KCNH1: variants seen among roughly 807,000 people sequenced by gnomAD.
The protein encoded by KCNH1 is potassium voltage-gated channel subfamily H member 1.
In KCNH1, 27 loss-of-function variants were observed where a neutral mutation model predicts 69.2. The observed-to-expected ratio is 0.39, with a 90% CI of 0.29 to 0.54. The LOEUF is 0.54. Among genes scored for constraint, KCNH1 ranks in the 20% least tolerant of loss-of-function variants. The probability of loss-of-function intolerance (pLI) is 0.68; values close to 1 mark genes in which losing one functional copy is unlikely to be tolerated. For synonymous variants in KCNH1, 456 were observed against 487.7 expected (o/e 0.93, Z 0.86); for missense variants, 798 against 1,261.6 (o/e 0.63, Z 5.57).
chr1:210,897,618 T>G (rs899307417), intron 7 of KCNH1, among the ~76,000 whole-genome samples: 2 of 152,226 alleles, frequency 1.3e-5, no homozygotes, highest in Non-Finnish European at 2.9e-5. Context: ...GATAATTTAC[T>G]GAGATCTTAA....
intron 5 of KCNH1, among the ~76,000 whole-genome samples, chr1:211,051,165 T>C (rs1294540955): frequency 2.6e-5 from 4 of 151,942 alleles, no homozygotes; most frequent in Non-Finnish European, 5.9e-5. Flanking sequence ...ACCTGGCTAA[T>C]GTTTATATTT....
chr1:211,071,131 G>A (rs1178904210), intron 5 of KCNH1, among the ~76,000 whole-genome samples: 2 of 152,122 alleles, frequency 1.3e-5, no homozygotes, highest in Non-Finnish European at 2.9e-5. Flanking sequence ...TACATTCACA[G>A]TAATGTACTG....
chr1:210,769,634 T>C (rs951967611), intron 10 of KCNH1, among the ~76,000 whole-genome samples: 1 of 152,210 alleles, frequency 6.6e-6, no homozygotes, highest in African/African-American at 2.4e-5. Context: ...ATTACCTACG[T>C]GCCAATTATC....
intron 5 of KCNH1, among the ~76,000 whole-genome samples, chr1:211,081,158 G>C (rs1421707412): frequency 2.6e-5 from 4 of 152,124 alleles, no homozygotes; most frequent in Non-Finnish European, 4.4e-5. Flanking sequence ...GTGGGCAAAA[G>C]ATATGAACAG....
intron 10 of KCNH1, among the ~76,000 whole-genome samples, chr1:210,689,143 A>AGAC (rs1681473755): frequency 6.6e-6 from 1 of 152,226 alleles, no homozygotes; most frequent in Admixed American, 6.5e-5. Context: ...GAGCCTGGGA[A>AGAC]GACTTAAATG....
chr1:211,132,528 T>A (rs1691895443), intron 1 of KCNH1: 1 of 152,190 alleles, frequency 6.6e-6, no homozygotes, highest in Non-Finnish European at 1.5e-5. Flanking sequence ...ACTTAAATAA[T>A]ACGTGATTAT....
At chr1:211,114,440 A>G (rs1482157940) in intron 1 of KCNH1, among the ~76,000 whole-genome samples, 1 of 152,172 alleles carries the variant, frequency 6.6e-6, no homozygotes, top group Non-Finnish European at 1.5e-5. Flanking sequence ...GGAAGATTAG[A>G]TCTGTTAAAT....
chr1:210,980,973 C>G (rs1235434580), intron 6 of KCNH1, among the ~76,000 whole-genome samples: 1 of 152,136 alleles, frequency 6.6e-6, no homozygotes, highest in Admixed American at 6.6e-5. Context: ...TCCACTTTGA[C>G]AGCTTTAAAA....
intron 10 of KCNH1, among the ~76,000 whole-genome samples, chr1:210,747,406 T>C (rs543203247): frequency 1.3e-5 from 2 of 152,078 alleles, no homozygotes; most frequent in African/African-American, 4.8e-5. Context: ...TCTGGGAGCT[T>C]TCACTTCATT....
Position 210,872,859 on chromosome 1 carries a change from A to T in KCNH1, c.1462+46781T>A, listed in dbSNP as rs548826690. On this transcript the variant is annotated intron_variant, in intron 7 of 10. Coordinates refer to ENST00000271751, the MANE Select transcript of KCNH1 (RefSeq NM_172362.3). ...TTAAACATTGGATTTGGGTGGGGAC[A>T]CAGATCCAAACCATATCACGTGGTT... 1.8e-4 allele frequency among the ~76,000 whole-genome samples: 27 copies of T among 152,346 alleles called. No individual in the cohort carries two copies. The South Asian group carries it at 5.4e-3, about 30-fold the overall frequency.
Position 210,973,178 on chromosome 1 carries a change from T to A in KCNH1, c.1032+45605A>T, listed in dbSNP as rs1688544669. Among the ~76,000 whole-genome samples the A allele has an allele frequency of 2.0e-5, 3 of 152,106 alleles. 1 individual carries two copies. In the South Asian group the frequency reaches 6.2e-4, roughly 32 times the overall value. On this transcript the variant is annotated intron_variant, in intron 6 of 10. Coordinates refer to ENST00000271751, the MANE Select transcript of KCNH1 (RefSeq NM_172362.3). ...ATTCTGACCTTTGGACATTTCAACC[T>A]GAAAGTCACACTGGCACTTCAAATT... is the stretch of plus-strand genomic sequence containing the variant.
intron 6 of KCNH1, among the ~76,000 whole-genome samples, chr1:210,962,732 G>C (rs1050046404): frequency 1.3e-5 from 2 of 151,642 alleles, no homozygotes; most frequent in African/African-American, 4.9e-5. Flanking sequence ...ACATGCCCCT[G>C]ATGCAACTTT....
intron 7 of KCNH1, chr1:210,861,580 C>G: frequency 1.3e-6 from 1 of 772,098 alleles, no homozygotes; most frequent in Admixed American, 1.7e-5. Context: ...CCCATTCTGT[C>G]AGGTTCTGTT....
At chr1:211,070,181 G>C (rs1399151684) in intron 5 of KCNH1, among the ~76,000 whole-genome samples, 1 of 152,088 alleles carries the variant, frequency 6.6e-6, no homozygotes, top group African/African-American at 2.4e-5. Context: ...CACTTTGGGA[G>C]GCCGAGGCTG....
chr1:210,819,244 C>G (rs1380828663), intron 7 of KCNH1, among the ~76,000 whole-genome samples: 4 of 152,098 alleles, frequency 2.6e-5, no homozygotes, highest in Non-Finnish European at 5.9e-5. Context: ...AGGCTAGAGT[C>G]AGATTTTGCA....
In KCNH1 at chr1:211,107,260, G is replaced by A. The variant is rs1250359770; in HGVS notation, c.197C>T (p.Thr66Ile). Reference protein sequence around the residue: ...HRAEVMQKSSTCSFMYGELTD... With the variant: ...HRAEVMQKSSICSFMYGELTD... The stretch of plus-strand genomic sequence containing the variant: ...CAACTCCAAACATAAATACCTGCAG[G>A]TGCTGCTTTTTTGCATCACTTCTGC... The change falls in exon 2 of 11, where the codon ACC becomes ATC. Residue 66 changes from threonine to isoleucine, a missense_variant. Around this residue, in one of 4 missense-constraint regions of KCNH1, gnomAD observed 266 missense variants for 457.2 expected, o/e 0.58. Coordinates refer to ENST00000271751, the MANE Select transcript of KCNH1 (RefSeq NM_172362.3). 6.2e-7 allele frequency: 1 copy of A among 1,613,656 alleles called. No homozygotes were observed. Among genetic ancestry groups the A allele is most frequent in the East Asian group, 2.2e-5 (1 of 44,850 alleles).
chr1:210,802,436 G>A (rs1684448597), intron 8 of KCNH1, among the ~76,000 whole-genome samples: 1 of 152,148 alleles, frequency 6.6e-6, no homozygotes, highest in South Asian at 2.1e-4. Context: ...GAATCAGTAT[G>A]CCTTGAGTAC....
intron 6 of KCNH1, among the ~76,000 whole-genome samples, chr1:210,923,378 C>G (rs1687503528): frequency 6.6e-6 from 1 of 152,190 alleles, no homozygotes; most frequent in Admixed American, 6.5e-5. Context: ...GGCAGTCATT[C>G]ATAGAGATAA....
At chr1:210,951,745 G>T (rs1688066834) in intron 6 of KCNH1, among the ~76,000 whole-genome samples, 1 of 152,130 alleles carries the variant, frequency 6.6e-6, no homozygotes, top group East Asian at 1.9e-4. Flanking sequence ...GAGATATGGT[G>T]TTCAGGGTAA....
Sources: allele counts gnomAD v4.1 joint callset (sites outside exome capture counted in the v4.1 genomes callset), GRCh38; gene constraint gnomAD v4.1.1; regional missense constraint gnomAD v4.1.1; transcripts MANE v1.5; gene names NCBI Gene and HGNC (gene_info 2026-07-23, HGNC 2026-07-21).